KCNE1: variants seen among roughly 807,000 people sequenced by gnomAD.
KCNE1 encodes potassium voltage-gated channel subfamily E regulatory subunit 1.
Under a neutral mutation model 2.9 loss-of-function variants are expected in KCNE1, and 1 was observed. The observed-to-expected ratio is 0.34, with a 90% CI of 0.12 to 1.62. The LOEUF (loss-of-function observed/expected upper bound fraction) is 1.62, where lower values mean the gene tolerates loss of function less well. Among genes scored for constraint, KCNE1 ranks in the 40% most tolerant of loss-of-function variants. The pLI, the probability that KCNE1 is intolerant of heterozygous loss-of-function variation, is 0.36. For synonymous variants in KCNE1, 23 were observed against 65.4 expected, an observed-to-expected ratio of 0.35 and a Z score of 3.13; for missense variants, 45 against 150.5, an observed-to-expected ratio of 0.30 and a Z score of 3.67.
intron 2 of KCNE1, chr21:34,509,404 T>TCACCTGATTGAGTCAGGCCC (rs1983699579): frequency 6.6e-6 from 1 of 151,828 alleles, no homozygotes; most frequent in Non-Finnish European, 1.5e-5. Flanking sequence ...CTCTCAGGGT[T>TCACCTGATTGAGTCAGGCCC]CACCTGATTG....
intron 2 of KCNE1, among the ~76,000 whole-genome samples, chr21:34,498,477 G>C (rs1982943820): frequency 6.6e-6 from 1 of 152,208 alleles, no homozygotes; most frequent in African/African-American, 2.4e-5. Flanking sequence ...GTTCTTCTGG[G>C]TCTAGCCACC....
intron 2 of KCNE1, among the ~76,000 whole-genome samples, chr21:34,503,691 A>C (rs1487245748): frequency 2.0e-5 from 3 of 152,226 alleles, no homozygotes; most frequent in Admixed American, 2.0e-4. Flanking sequence ...ATATCAGGAA[A>C]CATGGATGAA....
At chr21:34,502,420 C>T in intron 2 of KCNE1, among the ~76,000 whole-genome samples, 1 of 152,132 alleles carries the variant, frequency 6.6e-6, no homozygotes, top group East Asian at 1.9e-4. Flanking sequence ...GCCAAATTCA[C>T]CCAGCTTTTT....
At chr21:34,504,811 T>C (rs757378619) in intron 2 of KCNE1, among the ~76,000 whole-genome samples, 3 of 152,204 alleles carry the variant, frequency 2.0e-5, no homozygotes, top group Non-Finnish European at 4.4e-5. Context: ...AGACCTCCTG[T>C]TATGTGATTC....
rs912096408 is a variant in KCNE1 at position 34,507,070 on chromosome 21, C to T, written c.-162+4031G>A. Among the ~76,000 whole-genome samples the T allele has an allele frequency of 5.9e-5, 9 of 152,308 alleles. No individual in the cohort carries two copies. The East Asian group carries it at 1.7e-3, about 29-fold the overall frequency. On this transcript the variant is annotated intron_variant, in intron 2 of 3. Transcript: ENST00000399286. ...GGGTACATGGATGCATGTTAGGAGG[C>T]TGAGACTGGTCTTCGAAGATGATCA...
intron 2 of KCNE1, among the ~76,000 whole-genome samples, chr21:34,501,954 G>A (rs1983195171): frequency 1.3e-5 from 2 of 152,232 alleles, no homozygotes; most frequent in Non-Finnish European, 1.5e-5. Flanking sequence ...AGACTCCAAG[G>A]TGGGCTTTGA....
intron 2 of KCNE1, among the ~76,000 whole-genome samples, chr21:34,497,561 G>T (rs1162241541): frequency 6.6e-6 from 1 of 152,170 alleles, no homozygotes; most frequent in Non-Finnish European, 1.5e-5. Flanking sequence ...CTGTTAATCT[G>T]ATAGGTTTTC....
intron 2 of KCNE1, among the ~76,000 whole-genome samples, chr21:34,505,488 C>T (rs1021672784): frequency 6.6e-6 from 1 of 151,852 alleles, no homozygotes; most frequent in Non-Finnish European, 1.5e-5. Context: ...CACTTTGTTA[C>T]CTGGGAGGCG....
At chr21:34,507,693 GCTTTA>G (rs895457437) in intron 2 of KCNE1, among the ~76,000 whole-genome samples, 2 of 152,164 alleles carry the variant, frequency 1.3e-5, no homozygotes, top group African/African-American at 2.4e-5. Context: ...CAATGTCTTT[GCTTTA>G]AACGGTCCCC....
chr21:34,508,535 GT>G (rs1983643144), intron 2 of KCNE1, among the ~76,000 whole-genome samples: 2 of 152,090 alleles, frequency 1.3e-5, no homozygotes, highest in African/African-American at 4.8e-5. Flanking sequence ...TACAGACGGG[GT>G]TTTGCCACAT....
intron 2 of KCNE1, among the ~76,000 whole-genome samples, chr21:34,496,077 T>G (rs1439042872): frequency 7.8e-6 from 1 of 128,764 alleles, no homozygotes; most frequent in African/African-American, 3.2e-5. Context: ...GCTCAAATAC[T>G]TTTTTTTTTC....
At position 34,454,039 on chromosome 21, in the gene KCNE1, TG is replaced by T. The variant is rs773915890; in HGVS notation, c.-50-4356del. 1.2e-3 allele frequency among the ~76,000 whole-genome samples: 134 copies of T among 112,322 alleles called. 15 individuals carry two copies. The highest frequency in any genetic ancestry group is 8.0e-3 in the Middle Eastern group (2 of 250). The allele number at this position is 112,322 out of a possible 152,430, so 73.7% of individuals were successfully genotyped here. The stretch of plus-strand genomic sequence containing the variant: ...ATACTGCTGGTCTGGAGGCCCTGCT[TG>T]GTGATCTATTGGAATCACCGGGGGA... On this transcript the variant is annotated intron_variant, in intron 3 of 3. Transcript: ENST00000399286.
intron 2 of KCNE1, among the ~76,000 whole-genome samples, chr21:34,506,178 T>C (rs1365963947): frequency 6.6e-6 from 1 of 152,224 alleles, no homozygotes; most frequent in Non-Finnish European, 1.5e-5. Context: ...AACTCAGGAA[T>C]GTCCCCTCTG....
intron 2 of KCNE1, among the ~76,000 whole-genome samples, chr21:34,505,446 CT>C (rs376734609): frequency 4.6e-4 from 67 of 145,618 alleles, no homozygotes; most frequent in African/African-American, 5.1e-4. Flanking sequence ...CCTTGATCAC[CT>C]TTTTTTTTTT....
intron 2 of KCNE1, among the ~76,000 whole-genome samples, chr21:34,496,076 C>CA (rs1982788647): frequency 6.7e-6 from 1 of 149,546 alleles, no homozygotes; most frequent in Non-Finnish European, 1.5e-5. Flanking sequence ...AGCTCAAATA[C>CA]TTTTTTTTTT....
intron 2 of KCNE1, among the ~76,000 whole-genome samples, chr21:34,503,252 CT>C (rs1355963176): frequency 3.9e-5 from 6 of 152,184 alleles, no homozygotes; most frequent in Non-Finnish European, 8.8e-5. Context: ...CAGGGAAACA[CT>C]TTGCTTATGT....
At chr21:34,510,942 A>T (rs1983808359) in intron 2 of KCNE1, 159 bp downstream of exon 2, 1 of 157,952 alleles carries the variant, frequency 6.3e-6, no homozygotes, top group Non-Finnish European at 1.4e-5. Context: ...AGACGTGTGG[A>T]GAGTGGGTGT....
chr21:34,501,831 C>T (rs1267491235), intron 2 of KCNE1, among the ~76,000 whole-genome samples: 2 of 152,226 alleles, frequency 1.3e-5, no homozygotes, highest in Admixed American at 1.3e-4. Context: ...ATGTCCAGGA[C>T]TTCTGCAGGT....
chr21:34,501,801 C>T (rs1283068740), intron 2 of KCNE1, among the ~76,000 whole-genome samples: 1 of 152,196 alleles, frequency 6.6e-6, no homozygotes, highest in Non-Finnish European at 1.5e-5. Flanking sequence ...CTAGCAGGCC[C>T]CCATTCACTC....
Sources: gnomAD v4.1 joint callset for allele counts (sites outside exome capture counted in the v4.1 genomes callset) on GRCh38, gnomAD v4.1.1 for gene constraint, MANE v1.5 for transcripts, NCBI Gene and HGNC (gene_info 2026-07-23, HGNC 2026-07-21) for gene names.